The following EZH2 variants were observed in gnomAD, a reference collection of about 807,000 sequenced individuals.
EZH2 encodes enhancer of zeste 2 polycomb repressive complex 2 subunit, also known as histone-lysine N-methyltransferase EZH2.
In EZH2, 18 loss-of-function variants were observed where a neutral mutation model predicts 98.4. The ratio of observed to expected loss-of-function variants is 0.18; its 90% CI spans 0.13 to 0.27. The LOEUF is 0.27. EZH2 is among the 10% of genes least tolerant of loss of function. The pLI, the probability that EZH2 is intolerant of heterozygous loss-of-function variation, is 1.00. For synonymous variants in EZH2, 338 were observed against 312.3 expected (o/e 1.08, Z -0.87); for missense variants, 470 against 935.1 (o/e 0.50, Z 6.49).
In EZH2 at chr7:148,826,023, G is replaced by A. The variant is rs187444492; in HGVS notation, c.907+431C>T. ...ATTTTTAAAAAACAACTTACCCAGA[G>A]GGCAAAAAAATAAAATAAAATAAAA... On this transcript the variant is annotated intron_variant, in intron 8 of 19. Transcript: ENST00000320356. 1.7e-4 allele frequency among the ~76,000 whole-genome samples: 26 copies of A among 151,772 alleles called. No individual in the cohort carries two copies. In the East Asian group the frequency reaches 4.6e-3, roughly 27 times the overall value.
At position 148,846,460 on chromosome 7, in the gene EZH2, G is replaced by T; in HGVS notation, c.246+10C>A. On this transcript the variant is annotated intron_variant, in intron 3 of 19. Coordinates refer to ENST00000320356, the MANE Select transcript of EZH2 (RefSeq NM_004456.5). Reference sequence around the variant, plus strand: ...GATGATAATTACTACAACATGTTATGTTAACCAACCTCCCTAGTCCCGCGC... The same window carrying T: ...GATGATAATTACTACAACATGTTATTTTAACCAACCTCCCTAGTCCCGCGC... 2.5e-6 allele frequency: 4 copies of T among 1,607,308 alleles called. No individual in the cohort carries two copies. Among genetic ancestry groups the T allele is most frequent in the Non-Finnish European group, 3.4e-6 (4 of 1,176,912 alleles).
intron 1 of EZH2, among the ~76,000 whole-genome samples, chr7:148,853,423 A>C (rs1479918811): frequency 6.6e-6 from 1 of 152,136 alleles, no homozygotes; most frequent in Non-Finnish European, 1.5e-5. Context: ...TCTCCAAAAA[A>C]AAAAGATTCT....
At chr7:148,856,928 C>T (rs547711264) in intron 1 of EZH2, among the ~76,000 whole-genome samples, 4 of 152,060 alleles carry the variant, frequency 2.6e-5, no homozygotes, top group Non-Finnish European at 1.5e-5. Context: ...TCCCCCTGAG[C>T]GTGAGCTAGA....
At chr7:148,868,470 G>C (rs145880692) in intron 1 of EZH2, among the ~76,000 whole-genome samples, 9 of 152,128 alleles carry the variant, frequency 5.9e-5, no homozygotes, top group Admixed American at 5.2e-4. Context: ...TCACTGTCAC[G>C]AGAACTCACT....
chr7:148,837,207 C>T (rs1484796623), intron 3 of EZH2, among the ~76,000 whole-genome samples: 1 of 152,190 alleles, frequency 6.6e-6, no homozygotes, highest in Non-Finnish European at 1.5e-5. Flanking sequence ...AGTCCAACTT[C>T]CATATAGTAG....
At chr7:148,817,537 T>A in intron 10 of EZH2, 146 bp from the exon 11 acceptor site, 1 of 778,604 alleles carries the variant, frequency 1.3e-6, no homozygotes, top group South Asian at 2.0e-5. Context: ...TAGTTCACAT[T>A]TTCCAACAAA....
At position 148,877,783 on chromosome 7, in the gene EZH2, A is replaced by G. The variant is rs1820377559; in HGVS notation, c.-8+6381T>C. Among the ~76,000 whole-genome samples the G allele has an allele frequency of 2.6e-5, 4 of 152,352 alleles. No individual in the cohort carries two copies. In the South Asian group the frequency reaches 8.3e-4, roughly 32 times the overall value. On this transcript the variant is annotated intron_variant, in intron 1 of 19. Transcript: ENST00000320356. ...AGGGTTTCACACTGTACCTTCCATCAAACTACAATTACCTACTTTTAAATG... is the reference window on the plus strand; with the variant it reads ...AGGGTTTCACACTGTACCTTCCATCGAACTACAATTACCTACTTTTAAATG...
chr7:148,850,099 A>G (rs1815289387), intron 1 of EZH2, among the ~76,000 whole-genome samples: 1 of 152,082 alleles, frequency 6.6e-6, no homozygotes, highest in Admixed American at 6.6e-5. Context: ...GCTCACTGCA[A>G]GCTCTGCCTC....
chr7:148,819,563 T>A, intron 9 of EZH2, 33 bp downstream of exon 9: 3 of 1,571,220 alleles, frequency 1.9e-6, no homozygotes, highest in Non-Finnish European at 2.6e-6. Context: ...TCCTCTCAAG[T>A]ACCCTCTGCA....
chr7:148,861,839 C>A (rs1192915667), intron 1 of EZH2, among the ~76,000 whole-genome samples: 1 of 150,690 alleles, frequency 6.6e-6, no homozygotes, highest in East Asian at 1.9e-4. Flanking sequence ...GTAAGTGGTG[C>A]TTTACATTTT....
chr7:148,873,885 T>G (rs6958755), intron 1 of EZH2, among the ~76,000 whole-genome samples: 1 of 151,704 alleles, frequency 6.6e-6, no homozygotes. Flanking sequence ...TTAATACACA[T>G]GTTATGGTAC....
At chr7:148,881,501 T>C (rs1421128279) in intron 1 of EZH2, among the ~76,000 whole-genome samples, 1 of 152,208 alleles carries the variant, frequency 6.6e-6, no homozygotes, top group Admixed American at 6.5e-5. Context: ...ACTGACTAAA[T>C]ACATTCTCAA....
At chr7:148,817,750 G>T in intron 10 of EZH2, 127 bp downstream of exon 10, 1 of 1,269,210 alleles carries the variant, frequency 7.9e-7, no homozygotes, top group East Asian at 2.3e-5. Flanking sequence ...ACACATTCTT[G>T]AGATAACTCT....
intron 6 of EZH2, 33 bp from the exon 7 acceptor site, chr7:148,827,299 TG>T (rs1563239108): frequency 1.3e-6 from 2 of 1,530,112 alleles, no homozygotes; most frequent in Non-Finnish European, 1.8e-6. Flanking sequence ...AAAAAAAGAA[TG>T]GAAGTAAACA....
At chr7:148,854,734 A>C (rs1816518498) in intron 1 of EZH2, among the ~76,000 whole-genome samples, 1 of 152,200 alleles carries the variant, frequency 6.6e-6, no homozygotes, top group Non-Finnish European at 1.5e-5. Context: ...AAAATTGCCA[A>C]TTTTGATAAC....
chr7:148,870,961 G>C (rs1007839593), intron 1 of EZH2, among the ~76,000 whole-genome samples: 3 of 151,528 alleles, frequency 2.0e-5, no homozygotes, highest in Admixed American at 2.0e-4. Context: ...CACCTTATTA[G>C]AATATTTTAT....
At position 148,813,963 on chromosome 7, in the gene EZH2, T is replaced by C; in HGVS notation, c.1847A>G (p.Lys616Arg). 6.2e-7 allele frequency: 1 copy of C among 1,611,636 alleles called. No homozygotes were observed. Among genetic ancestry groups the C allele is most frequent in the Non-Finnish European group, 8.5e-7 (1 of 1,178,950 alleles). ...CAGAAGTGACTTGTTGCTCACCTTT[T>C]TGGAGCCCCGCTGAATACTGCAGTT... ...CKNCSIQRGSKKHLLLAPSDV... is the reference protein window; with the variant it reads ...CKNCSIQRGSRKHLLLAPSDV... The change falls in exon 15 of 20, where the codon AAA becomes AGA. Residue 616 changes from lysine (K) to arginine (R), a missense_variant. Around this residue, in one of 6 missense-constraint regions of EZH2, gnomAD observed 106 missense variants for 327.2 expected, o/e 0.32. Coordinates refer to ENST00000320356, the MANE Select transcript of EZH2 (RefSeq NM_004456.5).
intron 1 of EZH2, among the ~76,000 whole-genome samples, chr7:148,860,465 G>A (rs1817503868): frequency 6.6e-6 from 1 of 152,080 alleles, no homozygotes. Context: ...CTACAACAGA[G>A]AATACAGAAC....
chr7:148,829,382 A>G (rs1054407256), intron 5 of EZH2, among the ~76,000 whole-genome samples: 3 of 152,200 alleles, frequency 2.0e-5, no homozygotes, highest in Admixed American at 1.3e-4. Context: ...TGGAGCCCCT[A>G]TATGCCACAG....
Sources: gnomAD v4.1 joint callset for allele counts (sites outside exome capture counted in the v4.1 genomes callset) on GRCh38, gnomAD v4.1.1 for gene constraint, gnomAD v4.1.1 regional missense constraint, MANE v1.5 for transcripts, NCBI Gene and HGNC (gene_info 2026-07-23, HGNC 2026-07-21) for gene names.